The following ARHGEF10 variants were observed in gnomAD, a reference collection of about 807,000 sequenced individuals.
The protein encoded by ARHGEF10 is Rho guanine nucleotide exchange factor (GEF) 10.
A neutral mutation model predicts 147.4 loss-of-function variants in ARHGEF10; 140 were observed. The observed-to-expected ratio is 0.95, with a 90% CI of 0.83 to 1.09. ARHGEF10 has a LOEUF of 1.09. Among genes scored for constraint, ARHGEF10 ranks in the 50% least tolerant of loss-of-function variants. The probability of loss-of-function intolerance (pLI) is 0.00; values close to 1 mark genes in which losing one functional copy is unlikely to be tolerated. For synonymous variants in ARHGEF10, 902 were observed against 695.8 expected, an observed-to-expected ratio of 1.30 and a Z score of -4.67; for missense variants, 2,222 against 1,752.7, an observed-to-expected ratio of 1.27 and a Z score of -4.78.
intron 4 of ARHGEF10, among the ~76,000 whole-genome samples, chr8:1,861,278 G>T (rs1263122603): frequency 6.6e-6 from 1 of 152,220 alleles, no homozygotes; most frequent in Non-Finnish European, 1.5e-5. Flanking sequence ...TGTGTCTGCA[G>T]AGCCACAGGG....
chr8:1,857,333 A>G (rs1805624646), intron 2 of ARHGEF10, among the ~76,000 whole-genome samples: 1 of 152,180 alleles, frequency 6.6e-6, no homozygotes. Context: ...CCAGACCATC[A>G]GCCCAGCCGG....
At chr8:1,928,296 T>A in intron 23 of ARHGEF10, 131 bp from the exon 24 acceptor site, 3 of 827,448 alleles carry the variant, frequency 3.6e-6, no homozygotes, top group Middle Eastern at 2.5e-4. Flanking sequence ...GAATTTTTTT[T>A]TATTTTTTTA....
At chr8:1,931,473 C>T (rs1563303867) in intron 25 of ARHGEF10, among the ~76,000 whole-genome samples, 2 of 152,254 alleles carry the variant, frequency 1.3e-5, no homozygotes, top group Non-Finnish European at 2.9e-5. Flanking sequence ...CCTTGTCAGA[C>T]GCGTTGCATG....
At chr8:1,843,482 G>A (rs1472835915) in intron 2 of ARHGEF10, 46 bp downstream of exon 2, 1 of 1,458,950 alleles carries the variant, frequency 6.9e-7, no homozygotes, top group South Asian at 1.2e-5. Flanking sequence ...TTGTGCTGCT[G>A]CTCTCATCAA....
intron 8 of ARHGEF10, among the ~76,000 whole-genome samples, chr8:1,878,229 G>A (rs963677045): frequency 2.6e-5 from 4 of 151,620 alleles, no homozygotes; most frequent in East Asian, 1.9e-4. Context: ...CTTGCCTGTC[G>A]CTCAGGCTGA....
chr8:1,888,125 G>A (rs1451160572), intron 11 of ARHGEF10, among the ~76,000 whole-genome samples: 1 of 77,366 alleles, frequency 1.3e-5, no homozygotes, highest in African/African-American at 1.1e-4. Flanking sequence ...TTAGTGGGGT[G>A]AGGGTTTGCG....
At chr8:1,945,878 G>GCCGCGTGCTGGGAGGAT in intron 27 of ARHGEF10, 1 of 767,144 alleles carries the variant, frequency 1.3e-6, no homozygotes, top group Non-Finnish European at 2.1e-6. Flanking sequence ...TCCTGAAGGA[G>GCCGCGTGCTGGGAGGAT]CCGCGTGCTG....
intron 15 of ARHGEF10, among the ~76,000 whole-genome samples, chr8:1,902,877 T>C (rs1253557535): frequency 6.6e-6 from 1 of 152,204 alleles, no homozygotes; most frequent in Non-Finnish European, 1.5e-5. Context: ...ACAGTACTCC[T>C]GCACATTGGA....
At chr8:1,839,676 AACTGGTGTGGGG>A (rs1252048020) in intron 1 of ARHGEF10, among the ~76,000 whole-genome samples, 4 of 36,646 alleles carry the variant, frequency 1.1e-4, no homozygotes, top group Admixed American at 1.1e-3. Flanking sequence ...CTGGTGTGGA[AACTGGTGTGGGG>A]ACTGTCCGGT....
Position 1,954,214 on chromosome 8 carries a change from CT to C in ARHGEF10, c.3520+1388del, listed in dbSNP as rs545135497. ...GTTCAAGCTATTCTCCTGCCTCAGCCTCCCTAGTAGCTGGGATTACAGGCAC... is the reference window on the plus strand; with the variant it reads ...GTTCAAGCTATTCTCCTGCCTCAGCCCCCTAGTAGCTGGGATTACAGGCAC... On this transcript the variant is annotated intron_variant, in intron 28 of 28. Transcript: ENST00000349830. Among the ~76,000 whole-genome samples, 265 of 152,278 alleles carry C rather than the reference CT, an allele frequency of 1.7e-3. 3 individuals carry two copies. The South Asian group carries it at 0.022, about 12-fold the overall frequency.
chr8:1,867,196 A>G (rs1196586855), intron 6 of ARHGEF10, among the ~76,000 whole-genome samples: 2 of 152,192 alleles, frequency 1.3e-5, no homozygotes, highest in African/African-American at 4.8e-5. Context: ...CTTAAAAATA[A>G]GTTCTGTAGC....
chr8:1,916,669 T>C (rs959964830), intron 18 of ARHGEF10, among the ~76,000 whole-genome samples: 1 of 152,230 alleles, frequency 6.6e-6, no homozygotes, highest in African/African-American at 2.4e-5. Context: ...AAGATTTCTC[T>C]ATACTTTCCA....
At chr8:1,874,871 G>A (rs1807538216) in intron 7 of ARHGEF10, among the ~76,000 whole-genome samples, 1 of 89,794 alleles carries the variant, frequency 1.1e-5, no homozygotes, top group South Asian at 5.3e-4. Flanking sequence ...AAGACAGTCT[G>A]GTGGGAGAGT....
chr8:1,843,148 GA>G (rs1416928924), intron 1 of ARHGEF10, among the ~76,000 whole-genome samples: 45 of 152,358 alleles, frequency 3.0e-4, no homozygotes, highest in African/African-American at 1.0e-3. Flanking sequence ...CCAACACTGA[GA>G]AGTCTCTTTT....
chr8:1,840,149 G>A (rs542099882), intron 1 of ARHGEF10, among the ~76,000 whole-genome samples: 37 of 136,572 alleles, frequency 2.7e-4, no homozygotes, highest in South Asian at 1.0e-3. Context: ...TGTCTGGTGT[G>A]GGGACTGTCC....
intron 11 of ARHGEF10, among the ~76,000 whole-genome samples, chr8:1,889,253 A>T (rs1467155034): frequency 8.8e-5 from 4 of 45,576 alleles, no homozygotes; most frequent in Admixed American, 2.5e-4. Flanking sequence ...GAGTGGGATG[A>T]GAGGTGTGAG....
chr8:1,889,388 GTGATGTGAGGCATCTGTGAGGAGACAC>G lies in ARHGEF10; in HGVS notation c.1182+3685_1182+3711del, dbSNP rs1809182157. Among the ~76,000 whole-genome samples, 5 of 91,612 alleles carry G rather than the reference GTGATGTGAGGCATCTGTGAGGAGACAC, an allele frequency of 5.5e-5. 1 individual carries two copies. Among genetic ancestry groups the G allele is most frequent in the African/African-American group, 9.6e-5 (2 of 20,844 alleles). The allele number at this position is 91,612 out of a possible 152,430, so 60.1% of individuals were successfully genotyped here. A position where few individuals can be genotyped will look rare whatever the true frequency, so the allele number is the denominator to read the frequency against. Reference sequence around the variant, plus strand: ...GGGGTGAGGGGTATGTGAGGAGACAGTGATGTGAGGCATCTGTGAGGAGACACTGAGTGGGGTGAGGGGTCTGTGAGG... The same window carrying G: ...GGGGTGAGGGGTATGTGAGGAGACAGTGAGTGGGGTGAGGGGTCTGTGAGG... On this transcript the variant is annotated intron_variant, in intron 11 of 28. Coordinates refer to ENST00000349830, the MANE Select transcript of ARHGEF10 (RefSeq NM_014629.4).
chr8:1,935,050 C>T (rs1199306761), intron 26 of ARHGEF10, among the ~76,000 whole-genome samples: 1 of 152,198 alleles, frequency 6.6e-6, no homozygotes, highest in East Asian at 1.9e-4. Flanking sequence ...AAACAATAAA[C>T]TCATACACAT....
At chr8:1,858,728 G>C (rs1175366922) in intron 3 of ARHGEF10, 1 of 157,944 alleles carries the variant, frequency 6.3e-6, no homozygotes, top group Non-Finnish European at 1.4e-5. Flanking sequence ...TGTAGCACCC[G>C]CCTCTCAGCT....
Sources: gnomAD v4.1 joint callset for allele counts (sites outside exome capture counted in the v4.1 genomes callset) on GRCh38, gnomAD v4.1.1 for gene constraint, MANE v1.5 for transcripts, NCBI Gene and HGNC (gene_info 2026-07-23, HGNC 2026-07-21) for gene names.